CFAP46: variants seen among roughly 807,000 people sequenced by gnomAD.
CFAP46 encodes cilia- and flagella-associated protein 46.
CFAP46 carries 245 observed loss-of-function variants against 325.7 expected under a neutral mutation model. The ratio of observed to expected loss-of-function variants is 0.75; its 90% CI spans 0.68 to 0.84. The LOEUF (loss-of-function observed/expected upper bound fraction) is 0.84. CFAP46 is among the 40% of genes least tolerant of loss of function. CFAP46 has a pLI of 0.00. For missense variants in CFAP46, 3,346 were observed against 3,543.0 expected (o/e 0.94, Z 1.41); for synonymous variants, 1,523 against 1,495.9 (o/e 1.02, Z -0.42).
In CFAP46 at chr10:132,854,690, G is replaced by A. The variant is rs147416267; in HGVS notation, c.5574+2900C>T. Among the ~76,000 whole-genome samples the A allele has an allele frequency of 5.6e-4, 85 of 152,134 alleles. 1 individual carries two copies. Among genetic ancestry groups the A allele is most frequent in the African/African-American group, 1.8e-3 (74 of 41,480 alleles). On this transcript the variant is annotated intron_variant, in intron 39 of 57. Coordinates refer to ENST00000368586, the MANE Select transcript of CFAP46 (RefSeq NM_001200049.3). The stretch of plus-strand genomic sequence containing the variant: ...AAAGTCACATAACACAAAATTAACC[G>A]TTTAAAAATATACAATTCAGTGGCA...
chr10:132,810,771 GC>G (rs934709937), intron 56 of CFAP46, 178 bp downstream of exon 56: 3 of 741,698 alleles, frequency 4.0e-6, no homozygotes, highest in South Asian at 3.0e-5. Flanking sequence ...CGGCTGAGCC[GC>G]CCCCCTCCCC....
At position 132,857,570 on chromosome 10, in the gene CFAP46, G is replaced by A; in HGVS notation, c.5574+20C>T. The A allele has an allele frequency of 6.2e-7, 1 of 1,608,096 alleles. No individual in the cohort carries two copies. Among genetic ancestry groups the A allele is most frequent in the Non-Finnish European group, 8.5e-7 (1 of 1,178,098 alleles). On this transcript the variant is annotated intron_variant, in intron 39 of 57. Coordinates refer to ENST00000368586, the MANE Select transcript of CFAP46 (RefSeq NM_001200049.3). ...GGTGGGAGTGACCCAGTGTGCACAG[G>A]AACCAGGACACCTGCTTACGTCTTG...
intron 53 of CFAP46, 65 bp from the exon 54 acceptor site, chr10:132,814,319 G>A: frequency 7.3e-7 from 1 of 1,370,688 alleles, no homozygotes. Flanking sequence ...GCAGGGCCGG[G>A]GTCCCTGGGG....
chr10:132,868,947 C>T (rs905447262), intron 33 of CFAP46, among the ~76,000 whole-genome samples: 2 of 152,210 alleles, frequency 1.3e-5, no homozygotes, highest in African/African-American at 4.8e-5. Context: ...GTGGCCTGAC[C>T]GAGCACTGCC....
chr10:132,913,768 GC>G (rs1849592249), intron 17 of CFAP46, among the ~76,000 whole-genome samples: 1 of 152,166 alleles, frequency 6.6e-6, no homozygotes. Flanking sequence ...AGTCTGTGGA[GC>G]CCTGGGCTCA....
Position 132,808,490 on chromosome 10 carries a change from G to A in CFAP46, c.8079C>T (p.Pro2693=). 6.2e-7 allele frequency: 1 copy of A among 1,613,260 alleles called. No homozygotes were observed. Among genetic ancestry groups the A allele is most frequent in the Non-Finnish European group, 8.5e-7 (1 of 1,180,010 alleles). The change falls in exon 58 of 58, where the codon CCC becomes CCT. Residue 2693 remains proline, a synonymous_variant. Transcript: ENST00000368586. This position sits in a 1 kb window ranked among gnomAD's most constrained non-coding sequence, Gnocchi z 6.8. ...SSRGQDKGGL[P]LAALVLSCLD... ...AGCAACTCAGCACCAGCGCCGCCAA[G>A]GGGAGGCCGCCCTTGTCCTGGCCCC... is the stretch of plus-strand genomic sequence containing the variant.
Position 132,909,977 on chromosome 10 carries a change from A to G in CFAP46, c.2591T>C (p.Val864Ala), listed in dbSNP as rs1281939937. 6.5e-7 allele frequency: 1 copy of G among 1,542,096 alleles called. No homozygotes were observed. Among genetic ancestry groups the G allele is most frequent in the East Asian group, 2.5e-5 (1 of 40,000 alleles). ...GTRQQLIATW[V>A]KAKQLLQQQI... is the part of the protein sequence containing the mutation. The stretch of plus-strand genomic sequence containing the variant: ...CTGCTGCAGCAGCTGCTTGGCCTTG[A>G]CCCAGGTGGCGATAAGCTGCTGCCG... The change falls in exon 20 of 58, where the codon GTC (valine) becomes GCC (alanine). Residue 864 changes from valine (V) to alanine (A), a missense_variant. Transcript: ENST00000368586.
In CFAP46 at chr10:132,908,237, C is replaced by T. The variant is rs1849485565; in HGVS notation, c.2924+231G>A. On this transcript the variant is annotated intron_variant, in intron 22 of 57. Transcript: ENST00000368586. ...GCCTGGAGACCTGGTGGAGTGCTCA[C>T]CTGCTCCCTGATCTGTGATCGCCGC... 3 of 566,712 alleles carry T rather than the reference C, an allele frequency of 5.3e-6. No individual in the cohort carries two copies. In the South Asian group the frequency reaches 6.0e-5, roughly 11 times the overall value. 35.1% of individuals were successfully genotyped at this position (566,712 alleles called of 1,614,324 possible).
intron 3 of CFAP46, 121 bp from the exon 4 acceptor site, chr10:132,941,181 C>A (rs1442334093): frequency 3.1e-5 from 29 of 935,222 alleles, no homozygotes; most frequent in African/African-American, 6.5e-5. Flanking sequence ...ACCTGTGTAT[C>A]CACAGGTGAC....
rs537294611 is a variant in CFAP46 at position 132,925,960 on chromosome 10, C to G, written c.1065+608G>C. On this transcript the variant is annotated intron_variant, in intron 10 of 57. Coordinates refer to ENST00000368586, the MANE Select transcript of CFAP46 (RefSeq NM_001200049.3). Reference sequence around the variant, plus strand: ...GACCCTGTGGCACTTGCCGTGGTACCACATCAGGGCTGCAGGCCACCATCC... The same window carrying G: ...GACCCTGTGGCACTTGCCGTGGTACGACATCAGGGCTGCAGGCCACCATCC... Among the ~76,000 whole-genome samples, 15 of 152,362 alleles carry G rather than the reference C, an allele frequency of 9.8e-5. No homozygotes were observed. In the East Asian group the frequency reaches 2.9e-3, roughly 29 times the overall value.
At chr10:132,931,693 ACAGAGCCTGGGCCTCCCTC>A (rs1849907651) in intron 8 of CFAP46, among the ~76,000 whole-genome samples, 1 of 127,132 alleles carries the variant, frequency 7.9e-6, no homozygotes, top group Non-Finnish European at 1.6e-5. Context: ...TCCTCCCCAC[ACAGAGCCTGGGCCTCCCTC>A]CTCTCCACAC....
rs186780482 is a variant in CFAP46, at chr10:132,832,812, T to G, written c.7117+546A>C. 127 of 471,112 alleles carry G rather than the reference T, an allele frequency of 2.7e-4. 2 individuals are homozygous for G. The East Asian group carries it at 6.3e-3, about 23-fold the overall frequency. 29.2% of individuals were successfully genotyped at this position (471,112 alleles called of 1,614,324 possible). A position where few individuals can be genotyped will look rare whatever the true frequency, so the allele number is the denominator to read the frequency against. On this transcript the variant is annotated intron_variant, in intron 50 of 57. Transcript: ENST00000368586. This position sits in a 1 kb window ranked among gnomAD's most constrained non-coding sequence, Gnocchi z 4.1. ...TCGTGCTTTTCACTGTCTGAGTGATTAACGGAGAGGCTGGCTGTTTACTAC... is the reference window on the plus strand; with the variant it reads ...TCGTGCTTTTCACTGTCTGAGTGATGAACGGAGAGGCTGGCTGTTTACTAC...
At chr10:132,912,542 T>TCTCTCTCTCTCTCCAC (rs1554883968) in intron 19 of CFAP46, 113 bp downstream of exon 19, 1 of 298,048 alleles carries the variant, frequency 3.4e-6, no homozygotes, top group African/African-American at 5.9e-5. Flanking sequence ...TCTCCTCTCC[T>TCTCTCTCTCTCTCCAC]CTCTCTCTCT....
intron 24 of CFAP46, among the ~76,000 whole-genome samples, chr10:132,897,436 G>A (rs963567549): frequency 3.3e-5 from 5 of 152,210 alleles, no homozygotes; most frequent in African/African-American, 4.8e-5. Context: ...CTCACTGTCC[G>A]TGGGCTCTCC....
chr10:132,885,171 G>T lies in CFAP46; in HGVS notation c.3559C>A (p.Leu1187Met). The T allele has an allele frequency of 6.4e-7, 1 of 1,550,524 alleles. No individual in the cohort carries two copies. Among genetic ancestry groups the T allele is most frequent in the Non-Finnish European group, 8.7e-7 (1 of 1,146,996 alleles). Residue 1187 changes from leucine to methionine, a missense_variant, in exon 27 of 58, where the codon CTG becomes ATG. Physicochemically the swap from Leu to Met is conservative, Grantham distance 15. Transcript: ENST00000368586. ...GACACGCTCGGCGAGTTCAGGGCCA[G>T]GCGGTGCCACATGCGCGCCAAGTAG... ...EDYLARMWHRLALNSPSVSGE... is the reference protein window; with the variant it reads ...EDYLARMWHRMALNSPSVSGE...
intron 8 of CFAP46, among the ~76,000 whole-genome samples, chr10:132,933,533 C>T (rs534632002): frequency 3.9e-5 from 6 of 152,206 alleles, no homozygotes; most frequent in Non-Finnish European, 8.8e-5. Flanking sequence ...AACAATATAT[C>T]CACACACATC....
rs561323631 is a variant in CFAP46 at position 132,809,213 on chromosome 10, C to T, written c.7665-309G>A. On this transcript the variant is annotated intron_variant, in intron 57 of 57. Transcript: ENST00000368586. Reference sequence around the variant, plus strand: ...GGGGCGCCCGTCTAGAGTGTGGCTGCGGCCTTGCAGGAAGCAGCAGCCTCT... The same window carrying T: ...GGGGCGCCCGTCTAGAGTGTGGCTGTGGCCTTGCAGGAAGCAGCAGCCTCT... Among the ~76,000 whole-genome samples, 635 of 152,316 alleles carry T rather than the reference C, an allele frequency of 4.2e-3. 9 individuals carry two copies. The highest frequency in any genetic ancestry group is 0.014 in the African/African-American group (567 of 41,578).
intron 50 of CFAP46, among the ~76,000 whole-genome samples, chr10:132,816,870 A>G (rs1307765404): frequency 1.3e-5 from 2 of 152,190 alleles, no homozygotes; most frequent in Non-Finnish European, 2.9e-5. Flanking sequence ...ACTGCTTTCT[A>G]CCCTCATCAC....
rs759962498 is a variant in CFAP46 at position 132,908,467 on chromosome 10, C to T, written c.2924+1G>A. On this transcript the variant is annotated splice_donor_variant, in intron 22 of 57. Transcript: ENST00000368586. LOFTEE classifies it high-confidence loss of function. ...TTTGTCCAGTCATGAGGGTTACTTACGGCCCAAATTTCTTCAGGTACTTGA... is the reference window on the plus strand; with the variant it reads ...TTTGTCCAGTCATGAGGGTTACTTATGGCCCAAATTTCTTCAGGTACTTGA... The T allele has an allele frequency of 1.8e-5, 28 of 1,550,380 alleles. No individual in the cohort carries two copies. Among genetic ancestry groups the T allele is most frequent in the South Asian group, 4.8e-5 (4 of 84,066 alleles).
Sources: allele counts gnomAD v4.1 joint callset (sites outside exome capture counted in the v4.1 genomes callset), GRCh38; gene constraint gnomAD v4.1.1; non-coding constraint Gnocchi (gnomAD v3.1); transcripts MANE v1.5; gene names NCBI Gene and HGNC (gene_info 2026-07-23, HGNC 2026-07-21).